Variants in CDH12 observed in about 807,000 individuals in gnomAD.
CDH12 encodes the protein cadherin 12, also known as cadherin-12.
CDH12 carries 41 observed loss-of-function variants against 74.1 expected under a neutral mutation model. The ratio of observed to expected loss-of-function variants is 0.55; its 90% CI spans 0.43 to 0.72. The LOEUF is 0.72. Among genes scored for constraint, CDH12 ranks in the 30% least tolerant of loss-of-function variants. The pLI is 0.00. For synonymous variants in CDH12, 399 were observed against 355.0 expected (o/e 1.12, Z -1.39); for missense variants, 945 against 977.2 (o/e 0.97, Z 0.44).
At chr5:22,019,017 G>A (rs767422662) in intron 5 of CDH12, among the ~76,000 whole-genome samples, 25 of 151,124 alleles carry the variant, frequency 1.7e-4, no homozygotes, top group Non-Finnish European at 3.4e-4. Flanking sequence ...CTGAGATTGT[G>A]CCACTGCACT....
At chr5:22,790,478 C>G (rs907054138) in intron 1 of CDH12, among the ~76,000 whole-genome samples, 4 of 152,100 alleles carry the variant, frequency 2.6e-5, no homozygotes, top group Middle Eastern at 3.4e-3. Context: ...TAGAAGGATA[C>G]CTAGCAAAAT....
At chr5:22,329,606 T>C (rs888806364) in intron 3 of CDH12, among the ~76,000 whole-genome samples, 1 of 151,916 alleles carries the variant, frequency 6.6e-6, no homozygotes, top group Non-Finnish European at 1.5e-5. Context: ...ATTAAAAGAG[T>C]CATTGAAAAG....
intron 4 of CDH12, among the ~76,000 whole-genome samples, chr5:22,117,524 A>AG: frequency 2.0e-5 from 1 of 49,664 alleles, no homozygotes; most frequent in Admixed American, 3.4e-4. Flanking sequence ...TATATATATA[A>AG]TATATATATA....
intron 1 of CDH12, among the ~76,000 whole-genome samples, chr5:22,779,468 A>C (rs1747276812): frequency 6.6e-6 from 1 of 152,204 alleles, no homozygotes; most frequent in Non-Finnish European, 1.5e-5. Context: ...TTATCAAAAC[A>C]TTAGTAAATC....
At chr5:22,342,812 C>T (rs888045257) in intron 3 of CDH12, among the ~76,000 whole-genome samples, 1 of 139,634 alleles carries the variant, frequency 7.2e-6, no homozygotes, top group Non-Finnish European at 1.5e-5. Context: ...CTCTTTCTTT[C>T]TCTCTTTCTC....
chr5:22,061,421 GA>G (rs1741181500), intron 5 of CDH12, among the ~76,000 whole-genome samples: 2 of 152,086 alleles, frequency 1.3e-5, no homozygotes, highest in South Asian at 4.1e-4. Context: ...TTTACCAAAA[GA>G]ATTCATTCGT....
intron 4 of CDH12, among the ~76,000 whole-genome samples, chr5:22,088,952 A>C (rs3924107): frequency 0.35 from 52,813 of 151,708 alleles, 11,070 homozygotes; most frequent in African/African-American, 0.6. Flanking sequence ...GGCTTAAATA[A>C]AACTTCATAC....
chr5:21,882,550 T>A, intron 6 of CDH12: 1 of 1,224,900 alleles, frequency 8.2e-7, no homozygotes, highest in Non-Finnish European at 1.2e-6. Context: ...CGACAACCTG[T>A]CTCGCCGCGC....
At chr5:22,699,939 C>T (rs1006205322) in intron 1 of CDH12, among the ~76,000 whole-genome samples, 1 of 152,132 alleles carries the variant, frequency 6.6e-6, no homozygotes, top group Middle Eastern at 3.2e-3. Context: ...CTTTGAGAGG[C>T]CGAGGCAGGC....
At chr5:21,862,373 C>T (rs1474557490) in intron 6 of CDH12, among the ~76,000 whole-genome samples, 12 of 152,030 alleles carry the variant, frequency 7.9e-5, no homozygotes, top group Admixed American at 6.6e-5. Flanking sequence ...TTCCATTTTA[C>T]AATCCAATAC....
At chr5:22,498,878 C>T (rs1747215029) in intron 2 of CDH12, among the ~76,000 whole-genome samples, 1 of 145,752 alleles carries the variant, frequency 6.9e-6, no homozygotes, top group South Asian at 2.2e-4. Flanking sequence ...AAATAGTGTG[C>T]TCTTCTTTTT....
At chr5:22,285,430 A>G (rs1422755731) in intron 3 of CDH12, among the ~76,000 whole-genome samples, 1 of 152,138 alleles carries the variant, frequency 6.6e-6, no homozygotes, top group East Asian at 1.9e-4. Flanking sequence ...TTTTAACTAC[A>G]TGGTTCTCTG....
chr5:22,747,111 A>C (rs1745330359), intron 1 of CDH12, among the ~76,000 whole-genome samples: 1 of 152,190 alleles, frequency 6.6e-6, no homozygotes, highest in Non-Finnish European at 1.5e-5. Flanking sequence ...GTACTTTAAT[A>C]AATTGAATAT....
intron 4 of CDH12, among the ~76,000 whole-genome samples, chr5:22,155,387 G>A (rs796716621): frequency 3.4e-4 from 52 of 151,964 alleles, no homozygotes; most frequent in African/African-American, 1.1e-3. Flanking sequence ...GCTAAGAACC[G>A]TCAATATCTC....
intron 3 of CDH12, among the ~76,000 whole-genome samples, chr5:22,281,610 A>T (rs1736887024): frequency 6.6e-6 from 1 of 152,146 alleles, no homozygotes; most frequent in Non-Finnish European, 1.5e-5. Flanking sequence ...TCATGAGTGA[A>T]CTCCCATTTA....
intron 4 of CDH12, among the ~76,000 whole-genome samples, chr5:22,126,772 C>T (rs1389400250): frequency 3.3e-5 from 5 of 152,062 alleles, no homozygotes; most frequent in South Asian, 2.1e-4. Flanking sequence ...GCAGAAATGG[C>T]GGATGCATCA....
intron 1 of CDH12, among the ~76,000 whole-genome samples, chr5:22,644,067 C>T (rs1739307783): frequency 6.6e-6 from 1 of 151,984 alleles, no homozygotes. Context: ...GTCCTTCTTC[C>T]TCTCCTCGGT....
chr5:22,266,552 A>G (rs904605398), intron 3 of CDH12, among the ~76,000 whole-genome samples: 1 of 152,244 alleles, frequency 6.6e-6, no homozygotes, highest in South Asian at 2.1e-4. Context: ...TTTCTTGTAT[A>G]TCACCACTAT....
chr5:21,975,773 C>CA (rs1453464057), intron 5 of CDH12, among the ~76,000 whole-genome samples: 3 of 151,810 alleles, frequency 2.0e-5, no homozygotes, highest in Non-Finnish European at 4.4e-5. Flanking sequence ...TAGCAACAGG[C>CA]AAAAAAACCA....
Sources: gnomAD v4.1 joint callset for allele counts (sites outside exome capture counted in the v4.1 genomes callset) on GRCh38, gnomAD v4.1.1 for gene constraint, MANE v1.5 for transcripts, NCBI Gene and HGNC (gene_info 2026-07-23, HGNC 2026-07-21) for gene names.